The following NAALADL2 variants were observed in gnomAD, a reference collection of about 807,000 sequenced individuals.
NAALADL2 encodes inactive N-acetylated-alpha-linked acidic dipeptidase-like protein 2.
A neutral mutation model predicts 87.2 loss-of-function variants in NAALADL2; 76 were observed. That is an observed-to-expected ratio of 0.87 (90% CI 0.72 to 1.05). NAALADL2 has a LOEUF of 1.05. Ranked by LOEUF, NAALADL2 falls within the 50% of genes least tolerant of loss-of-function variation. NAALADL2 has a pLI of 0.00. For missense variants in NAALADL2, 1,089 were observed against 945.8 expected (o/e 1.15, Z -1.99); for synonymous variants, 354 against 331.0 (o/e 1.07, Z -0.75).
chr3:175,626,571 C>T (rs1049705638), intron 10 of NAALADL2, among the ~76,000 whole-genome samples: 8 of 151,826 alleles, frequency 5.3e-5, no homozygotes, highest in African/African-American at 1.2e-4. Flanking sequence ...CAGGTATCTC[C>T]GAAATGCCCC....
At chr3:175,471,509 A>G (rs901496955) in intron 8 of NAALADL2, 130 bp from the exon 9 acceptor site, 8 of 632,678 alleles carry the variant, frequency 1.3e-5, no homozygotes, top group South Asian at 6.1e-5. Context: ...AAGAAAAAAA[A>G]AAAGAAGGTA....
intron 4 of NAALADL2, among the ~76,000 whole-genome samples, chr3:175,260,020 T>G (rs536832705): frequency 6.6e-6 from 1 of 151,632 alleles, no homozygotes; most frequent in East Asian, 1.9e-4. Context: ...AGAATGAAAC[T>G]CCATTAAAAA....
intron 1 of NAALADL2, among the ~76,000 whole-genome samples, chr3:174,496,620 A>T (rs576371944): frequency 2.4e-4 from 37 of 151,554 alleles, no homozygotes; most frequent in African/African-American, 8.5e-4. Context: ...CTCTTTTAAG[A>T]ACCCTCAGTT....
At chr3:175,577,456 C>T (rs1719063386) in intron 10 of NAALADL2, among the ~76,000 whole-genome samples, 1 of 152,114 alleles carries the variant, frequency 6.6e-6, no homozygotes, top group South Asian at 2.1e-4. Flanking sequence ...ACACATTTAT[C>T]AGGCTGAGGA....
Position 174,767,976 on chromosome 3 carries a change from C to T in NAALADL2, c.-9+30230C>T, listed in dbSNP as rs146483957. On this transcript the variant is annotated intron_variant, in intron 3 of 3. Coordinates refer to the NAALADL2 transcript ENST00000434257. ...AGTAGCTGAAAATTTAACAGAAATA[C>T]GTAAGTGAAGAGGCCTATTAGAAAC... Among the ~76,000 whole-genome samples, 475 of 152,214 alleles carry T rather than the reference C, an allele frequency of 3.1e-3. 2 individuals carry two copies. Among genetic ancestry groups the T allele is most frequent in the African/African-American group, 0.011 (449 of 41,520 alleles).
At chr3:175,446,580 T>C (rs1403997564) in intron 5 of NAALADL2, among the ~76,000 whole-genome samples, 1 of 152,094 alleles carries the variant, frequency 6.6e-6, no homozygotes, top group Non-Finnish European at 1.5e-5. Context: ...TCTCGCTGTA[T>C]TTGGTGTCTC....
rs528151017 is a variant in NAALADL2 at position 174,453,823 on chromosome 3, C to G, written c.-184+12791C>G. On this transcript the variant is annotated intron_variant, in intron 1 of 3. Coordinates refer to the NAALADL2 transcript ENST00000434257. ...CTACAAAAACACTTAAGGACACAAACCAACAACACTATAAAACAGCCACAC... is the reference window on the plus strand; with the variant it reads ...CTACAAAAACACTTAAGGACACAAAGCAACAACACTATAAAACAGCCACAC... Among the ~76,000 whole-genome samples, 80 of 152,200 alleles carry G rather than the reference C, an allele frequency of 5.3e-4. No homozygotes were observed. The South Asian group carries it at 0.016, about 30-fold the overall frequency.
chr3:175,207,770 C>T (rs150062031), intron 2 of NAALADL2, among the ~76,000 whole-genome samples: 25 of 151,926 alleles, frequency 1.6e-4, no homozygotes, highest in African/African-American at 1.9e-4. Flanking sequence ...AGTGTTTAAA[C>T]ATAACCGAAA....
intron 2 of NAALADL2, among the ~76,000 whole-genome samples, chr3:174,576,874 G>A (rs1174947087): frequency 6.6e-6 from 1 of 152,100 alleles, no homozygotes; most frequent in African/African-American, 2.4e-5. Context: ...CAATGTGATA[G>A]AGTAAAATAT....
At chr3:175,550,378 A>C (rs926774566) in intron 9 of NAALADL2, among the ~76,000 whole-genome samples, 1 of 152,126 alleles carries the variant, frequency 6.6e-6, no homozygotes, top group African/African-American at 2.4e-5. Context: ...GAGGAGAATA[A>C]ATTTTCCACT....
At chr3:174,485,748 T>C (rs1047449395) in intron 1 of NAALADL2, among the ~76,000 whole-genome samples, 3 of 152,020 alleles carry the variant, frequency 2.0e-5, no homozygotes, top group African/African-American at 7.2e-5. Flanking sequence ...TGAATAGTGC[T>C]GTAGTGAACA....
chr3:175,631,635 G>A (rs76244895), intron 11 of NAALADL2, among the ~76,000 whole-genome samples: 1 of 151,902 alleles, frequency 6.6e-6, no homozygotes, highest in Non-Finnish European at 1.5e-5. Context: ...TGCTGCATCA[G>A]TGTTGAAGAT....
chr3:175,074,931 A>AAG (rs112587664), intron 1 of NAALADL2, among the ~76,000 whole-genome samples: 25,030 of 151,880 alleles, frequency 0.16, 2,880 homozygotes, highest in African/African-American at 0.32. Context: ...GAGGAGGAGG[A>AAG]AGAGTAGAAA....
At chr3:175,421,504 A>G (rs1715689427) in intron 5 of NAALADL2, among the ~76,000 whole-genome samples, 1 of 152,046 alleles carries the variant, frequency 6.6e-6, no homozygotes, top group Non-Finnish European at 1.5e-5. Context: ...ATAATGTGAG[A>G]ATATAATGTC....
chr3:174,751,254 G>A (rs1020237450), intron 3 of NAALADL2, among the ~76,000 whole-genome samples: 20 of 151,978 alleles, frequency 1.3e-4, no homozygotes, highest in African/African-American at 4.8e-4. Flanking sequence ...CTATTTTATT[G>A]TGTATTTTAG....
At chr3:174,583,705 T>C (rs1716406736) in intron 2 of NAALADL2, among the ~76,000 whole-genome samples, 1 of 152,194 alleles carries the variant, frequency 6.6e-6, no homozygotes, top group South Asian at 2.1e-4. Flanking sequence ...AAAGCTTTTG[T>C]CTATAATGCA....
chr3:175,641,441 G>T (rs577515228), intron 11 of NAALADL2, among the ~76,000 whole-genome samples: 2 of 152,142 alleles, frequency 1.3e-5, no homozygotes, highest in Admixed American at 6.5e-5. Context: ...TAGAAACTAG[G>T]TCTGTTTGTT....
chr3:175,797,712 AATATCTTTTAACTCT>A (rs1323260800), intron 13 of NAALADL2, among the ~76,000 whole-genome samples: 1 of 152,096 alleles, frequency 6.6e-6, no homozygotes, highest in Non-Finnish European at 1.5e-5. Flanking sequence ...GTTTGTTGTT[AATATCTTTTAACTCT>A]GTTTGACCAA....
At chr3:174,872,501 A>G (rs1010938573) in intron 1 of NAALADL2, among the ~76,000 whole-genome samples, 1 of 152,202 alleles carries the variant, frequency 6.6e-6, no homozygotes, top group Non-Finnish European at 1.5e-5. Flanking sequence ...AAAGCATTTC[A>G]CTGAAGTAGA....
Sources: allele counts gnomAD v4.1 joint callset (sites outside exome capture counted in the v4.1 genomes callset), GRCh38; gene constraint gnomAD v4.1.1; transcripts MANE v1.5; gene names NCBI Gene and HGNC (gene_info 2026-07-23, HGNC 2026-07-21).